Variants in TIAM1 observed in about 807,000 individuals in gnomAD.
TIAM1 encodes the protein TIAM Rac1 associated GEF 1.
In TIAM1, 65 loss-of-function variants were observed where a neutral mutation model predicts 163.5. That is an observed-to-expected ratio of 0.40 (90% confidence interval 0.33 to 0.49). The LOEUF is 0.49. TIAM1 is among the 20% of genes least tolerant of loss of function. TIAM1 has a pLI of 0.77. For synonymous variants in TIAM1, 833 were observed against 810.1 expected, an observed-to-expected ratio of 1.03 and a Z score of -0.48; for missense variants, 1,789 against 2,044.7, an observed-to-expected ratio of 0.87 and a Z score of 2.41.
upstream of TIAM1, among the ~76,000 whole-genome samples, chr21:31,347,091 T>A (rs1425256769): frequency 6.6e-6 from 1 of 152,050 alleles, no homozygotes; most frequent in Non-Finnish European, 1.5e-5. Flanking sequence ...AACCAAATAG[T>A]CCCCACCTTC....
At chr21:31,350,036 T>C (rs1569255084) in intron 2 of TIAM1, among the ~76,000 whole-genome samples, 1 of 152,246 alleles carries the variant, frequency 6.6e-6, no homozygotes, top group Non-Finnish European at 1.5e-5. Flanking sequence ...TATAATGTTC[T>C]CAATGTTTTC....
chr21:31,302,236 T>C (rs901960791), intron 2 of TIAM1, among the ~76,000 whole-genome samples: 1 of 152,146 alleles, frequency 6.6e-6, no homozygotes, highest in African/African-American at 2.4e-5. Context: ...TATATAAAAT[T>C]AAACCTTTAC....
At chr21:31,183,620 G>A (rs1433615821) in intron 14 of TIAM1, among the ~76,000 whole-genome samples, 2 of 152,004 alleles carry the variant, frequency 1.3e-5, no homozygotes, top group African/African-American at 4.8e-5. Context: ...ACCCTACAAA[G>A]AAGTTCTCGC....
chr21:31,222,207 G>T (rs896920163), intron 8 of TIAM1, among the ~76,000 whole-genome samples: 13 of 152,164 alleles, frequency 8.5e-5, no homozygotes, highest in African/African-American at 3.1e-4. Context: ...AGCTGACAAA[G>T]CAAGAGAAGA....
intron 5 of TIAM1, among the ~76,000 whole-genome samples, chr21:31,251,214 CA>C (rs2071786865): frequency 6.6e-6 from 1 of 151,912 alleles, no homozygotes; most frequent in African/African-American, 2.4e-5. Context: ...GCATACATGC[CA>C]AAACTAGACA....
intron 2 of TIAM1, among the ~76,000 whole-genome samples, chr21:31,412,580 G>C (rs544744814): frequency 2.6e-5 from 4 of 151,880 alleles, no homozygotes; most frequent in African/African-American, 9.7e-5. Flanking sequence ...TCAGGAGTTC[G>C]AGACCAACCT....
intron 2 of TIAM1, among the ~76,000 whole-genome samples, chr21:31,318,489 A>G (rs2147018030): frequency 6.6e-6 from 1 of 152,366 alleles, no homozygotes; most frequent in Middle Eastern, 3.4e-3. Flanking sequence ...CCACAGCCTA[A>G]TAAAATCCAG....
intron 2 of TIAM1, among the ~76,000 whole-genome samples, chr21:31,399,031 A>G (rs1269778507): frequency 1.3e-5 from 2 of 152,284 alleles, no homozygotes; most frequent in East Asian, 3.9e-4. Flanking sequence ...TAAAATAAAT[A>G]GATAAATAAA....
intron 1 of TIAM1, among the ~76,000 whole-genome samples, chr21:31,477,666 G>A (rs1416825509): frequency 6.6e-6 from 1 of 151,926 alleles, no homozygotes; most frequent in Non-Finnish European, 1.5e-5. Context: ...GGAGAGACGG[G>A]GGTTTCACCA....
chr21:31,417,300 T>C (rs2043405537), intron 2 of TIAM1, among the ~76,000 whole-genome samples: 1 of 152,126 alleles, frequency 6.6e-6, no homozygotes, highest in Non-Finnish European at 1.5e-5. Context: ...GGGATTACAG[T>C]TGTGAGCCAC....
intron 2 of TIAM1, among the ~76,000 whole-genome samples, chr21:31,444,530 T>C (rs1320841169): frequency 6.6e-6 from 1 of 151,896 alleles, no homozygotes; most frequent in African/African-American, 2.4e-5. Flanking sequence ...ATTGCTACAA[T>C]ATTAATTTCA....
chr21:31,210,609 G>A (rs1465218643), intron 10 of TIAM1, among the ~76,000 whole-genome samples: 68 of 58,172 alleles, frequency 1.2e-3, no homozygotes, highest in Middle Eastern at 0.01. Flanking sequence ...AAAGAAGGAA[G>A]GAAGGGAGAA....
chr21:31,171,744 GATA>G (rs1239858484), intron 15 of TIAM1, among the ~76,000 whole-genome samples: 1 of 152,142 alleles, frequency 6.6e-6, no homozygotes, highest in Non-Finnish European at 1.5e-5. Flanking sequence ...GATTTGCTTT[GATA>G]ATATGTTAAT....
chr21:31,240,379 C>G (rs1189376782), intron 6 of TIAM1, among the ~76,000 whole-genome samples: 1 of 152,162 alleles, frequency 6.6e-6, no homozygotes, highest in East Asian at 1.9e-4. Context: ...AATGGCTGAA[C>G]TTCAGTAAAA....
At chr21:31,438,097 C>G (rs1179324947) in intron 2 of TIAM1, among the ~76,000 whole-genome samples, 1 of 151,716 alleles carries the variant, frequency 6.6e-6, no homozygotes, top group Non-Finnish European at 1.5e-5. Context: ...TTACTAACCC[C>G]TTAAGCACAA....
intron 9 of TIAM1, among the ~76,000 whole-genome samples, chr21:31,213,832 C>A (rs1363841355): frequency 1.4e-5 from 2 of 143,686 alleles, no homozygotes; most frequent in African/African-American, 5.6e-5. Flanking sequence ...GAGTTTGAGA[C>A]CAGCCTGGGC....
chr21:31,525,982 C>T lies in TIAM1; in HGVS notation c.-422+32945G>A, dbSNP rs1602491583. ...CCGGGAGGCAGAGGTTGCAGTGAGC[C>T]GAGATCACGCCACTGCACTCAAGCC... On this transcript the variant is annotated intron_variant, in intron 1 of 28. Coordinates refer to the TIAM1 transcript ENST00000286827. Among the ~76,000 whole-genome samples, 4 of 149,594 alleles carry T rather than the reference C, an allele frequency of 2.7e-5. 1 individual carries two copies.
At chr21:31,143,826 A>G (rs1249828293) in intron 20 of TIAM1, among the ~76,000 whole-genome samples, 1 of 151,824 alleles carries the variant, frequency 6.6e-6, no homozygotes, top group Non-Finnish European at 1.5e-5. Flanking sequence ...TCCCGAGTTC[A>G]AGCAATTGTC....
chr21:31,445,331 C>T (rs959590271), intron 2 of TIAM1, among the ~76,000 whole-genome samples: 1 of 152,180 alleles, frequency 6.6e-6, no homozygotes, highest in African/African-American at 2.4e-5. Context: ...ACCAGCCTCA[C>T]TCTGTTTAAT....
Sources: gnomAD v4.1 joint callset for allele counts (sites outside exome capture counted in the v4.1 genomes callset) on GRCh38, gnomAD v4.1.1 for gene constraint, MANE v1.5 for transcripts, NCBI Gene and HGNC (gene_info 2026-07-23, HGNC 2026-07-21) for gene names.